Variants in BOC observed in about 807,000 individuals in gnomAD.
The protein encoded by BOC is BOC cell adhesion associated, oncogene regulated.
A neutral mutation model predicts 112.0 loss-of-function variants in BOC; 76 were observed. The observed-to-expected ratio is 0.68, with a 90% CI of 0.56 to 0.82. BOC has a LOEUF of 0.82. Among genes scored for constraint, BOC ranks in the 40% least tolerant of loss-of-function variants. The pLI, the probability that BOC is intolerant of heterozygous loss-of-function variation, is 0.00. For missense variants in BOC, 1,309 were observed against 1,511.7 expected (o/e 0.87, Z 2.22); for synonymous variants, 580 against 599.8 (o/e 0.97, Z 0.48).
chr3:113,254,775 T>C lies in BOC; in HGVS notation c.376+3942T>C, dbSNP rs567895607. 1.2e-4 allele frequency among the ~76,000 whole-genome samples: 18 copies of C among 152,306 alleles called. No homozygotes were observed. The East Asian group carries it at 3.5e-3, about 29-fold the overall frequency. ...GATGCCACCTCCTGCATCCACCCTT[T>C]AGAAGGGTCATGGGGCTATAGGTCA... On this transcript the variant is annotated intron_variant, in intron 4 of 19. Coordinates refer to ENST00000682979, the MANE Select transcript of BOC (RefSeq NM_001378074.1).
chr3:113,223,874 T>G (rs903325143), intron 2 of BOC, among the ~76,000 whole-genome samples: 11 of 152,150 alleles, frequency 7.2e-5, no homozygotes, highest in Non-Finnish European at 1.6e-4. Context: ...GCCCTGCAGG[T>G]CTGCAGTGTG....
In BOC at chr3:113,287,033, G is replaced by A. The variant is rs1368762948; in HGVS notation, c.*171G>A. The A allele has an allele frequency of 2.5e-6, 2 of 806,452 alleles. No homozygotes were observed. Among genetic ancestry groups the A allele is most frequent in the Non-Finnish European group, 2.0e-6 (1 of 498,274 alleles). The allele number at this position is 806,452 out of a possible 1,614,324, so 50.0% of individuals were successfully genotyped here. On this transcript the variant is annotated 3_prime_UTR_variant, in exon 20 of 20. Coordinates refer to ENST00000682979, the MANE Select transcript of BOC (RefSeq NM_001378074.1). ...TTATAATTCTGGAGAGACATAAGGAGTCCTACCCGTTGAGGTTGGAGAGGG... is the reference window on the plus strand; with the variant it reads ...TTATAATTCTGGAGAGACATAAGGAATCCTACCCGTTGAGGTTGGAGAGGG...
chr3:113,282,459 T>A (rs973393679), intron 15 of BOC, among the ~76,000 whole-genome samples: 1 of 152,114 alleles, frequency 6.6e-6, no homozygotes, highest in Non-Finnish European at 1.5e-5. Flanking sequence ...CAGGTGATGT[T>A]GCCACTTATT....
chr3:113,214,375 A>G (rs1938906614), intron 1 of BOC, among the ~76,000 whole-genome samples: 1 of 152,206 alleles, frequency 6.6e-6, no homozygotes, highest in Admixed American at 6.5e-5. Context: ...TGACTTTCAC[A>G]TGGACCCCCC....
At chr3:113,268,756 G>A (rs948061835) in intron 5 of BOC, among the ~76,000 whole-genome samples, 8 of 152,192 alleles carry the variant, frequency 5.3e-5, no homozygotes, top group African/African-American at 1.4e-4. Flanking sequence ...ACAGGCACAC[G>A]CCACCATGCT....
chr3:113,250,701 C>G lies in BOC; in HGVS notation c.244C>G (p.Leu82Val). The G allele has an allele frequency of 6.2e-7, 1 of 1,614,158 alleles. No individual in the cohort carries two copies. Among genetic ancestry groups the G allele is most frequent in the Non-Finnish European group, 8.5e-7 (1 of 1,180,032 alleles). Reference protein sequence around the residue: ...GKELNGSDDALGVLITHGTLV... With the variant: ...GKELNGSDDAVGVLITHGTLV... ...GGAGCTGAATGGCTCGGATGATGCT[C>G]TGGGTGTCCTCATCACCCACGGGAC... The change falls in exon 4 of 20, where the codon CTG becomes GTG. Residue 82 changes from leucine (L) to valine (V), a missense_variant. By Grantham distance (32) the Leu-to-Val change is conservative. Coordinates refer to ENST00000682979, the MANE Select transcript of BOC (RefSeq NM_001378074.1).
chr3:113,267,965 AC>A (rs11330456), intron 4 of BOC, among the ~76,000 whole-genome samples: 86,810 of 150,814 alleles, frequency 0.58, 26,160 homozygotes, highest in African/African-American at 0.75. Flanking sequence ...TTGTACTTTG[AC>A]CCCCCCCCAT....
intron 4 of BOC, 70 bp downstream of exon 4, chr3:113,250,903 C>A: frequency 1.9e-6 from 3 of 1,566,010 alleles, no homozygotes; most frequent in Non-Finnish European, 2.6e-6. Flanking sequence ...GAAGCCCCCA[C>A]CATTCATGCT....
At chr3:113,261,435 T>C (rs1197682064) in intron 4 of BOC, among the ~76,000 whole-genome samples, 4 of 152,264 alleles carry the variant, frequency 2.6e-5, no homozygotes, top group East Asian at 3.9e-4. Context: ...CATTCCTTCA[T>C]CTAGTCCAAA....
At chr3:113,234,344 G>A (rs905173153) in intron 2 of BOC, among the ~76,000 whole-genome samples, 2 of 152,076 alleles carry the variant, frequency 1.3e-5, no homozygotes, top group African/African-American at 2.4e-5. Flanking sequence ...TACTGAGGAC[G>A]GCCTGTGTGT....
At chr3:113,263,762 C>G (rs1947151511) in intron 4 of BOC, among the ~76,000 whole-genome samples, 1 of 152,158 alleles carries the variant, frequency 6.6e-6, no homozygotes, top group Non-Finnish European at 1.5e-5. Context: ...AAGATAGAGA[C>G]TAGAAGGTGG....
chr3:113,232,610 CCTGT>C (rs1211961048), intron 2 of BOC, among the ~76,000 whole-genome samples: 1 of 151,548 alleles, frequency 6.6e-6, no homozygotes, highest in Non-Finnish European at 1.5e-5. Flanking sequence ...CACATGCCTG[CCTGT>C]CTTAGAGGTG....
rs3814399 is a variant in BOC, at chr3:113,272,645, C to A, written c.903C>A (p.Ala301=). 514 of 1,613,862 alleles carry A rather than the reference C, an allele frequency of 3.2e-4. 2 individuals carry two copies. In the African/African-American group the frequency reaches 6.4e-3, roughly 20 times the overall value. Residue 301 remains alanine, a synonymous_variant, in exon 7 of 20, where the codon GCC becomes GCA. Coordinates refer to ENST00000682979, the MANE Select transcript of BOC (RefSeq NM_001378074.1). ...EEDSGTYRCM[A]DNGVGQPGAA... ...ACTCAGGCACCTACCGCTGCATGGC[C>A]GACAATGGGGTTGGGCAGCCCGGGG... is the stretch of plus-strand genomic sequence containing the variant.
rs368572164 is a variant in BOC at position 113,274,531 on chromosome 3, G to C, written c.1391G>C (p.Gly464Ala). 30 of 1,613,498 alleles carry C rather than the reference G, an allele frequency of 1.9e-5. No homozygotes were observed. In the Middle Eastern group the frequency reaches 6.6e-4, roughly 35 times the overall value. Residue 464 changes from glycine (G) to alanine (A), a missense_variant, in exon 9 of 20, where the codon GGA (glycine) becomes GCA (alanine). Gly to Ala is a moderately conservative substitution (Grantham distance 60). Coordinates refer to ENST00000682979, the MANE Select transcript of BOC (RefSeq NM_001378074.1). This position sits in a 1 kb window ranked among gnomAD's most constrained non-coding sequence, Gnocchi z 4.8. ...SVGPASPQCP[G>A]EKGQGAPAEA... is the part of the protein sequence containing the mutation. ...GGGCCTGCTTCCCCGCAGTGTCCAG[G>C]AGAGAAGGGGCAGGGGGCTCCCGCC...
chr3:113,285,210 T>C (rs1315708267), intron 18 of BOC, among the ~76,000 whole-genome samples, 162 bp from the exon 19 acceptor site: 1 of 152,254 alleles, frequency 6.6e-6, no homozygotes, highest in Non-Finnish European at 1.5e-5. Flanking sequence ...GTGGGAATGA[T>C]GGTGTGGTAC....
intron 2 of BOC, among the ~76,000 whole-genome samples, chr3:113,247,916 A>T (rs1945133637): frequency 6.6e-6 from 1 of 152,262 alleles, no homozygotes; most frequent in South Asian, 2.1e-4. Flanking sequence ...CCAGGAAATA[A>T]CTTTTGAAAA....
At chr3:113,252,262 G>C (rs899069483) in intron 4 of BOC, among the ~76,000 whole-genome samples, 4 of 152,172 alleles carry the variant, frequency 2.6e-5, no homozygotes, top group African/African-American at 9.7e-5. Flanking sequence ...ATGGTATGTG[G>C]ATTTAAACTT....
chr3:113,222,002 C>T (rs78644137), intron 2 of BOC, among the ~76,000 whole-genome samples: 6,841 of 152,316 alleles, frequency 0.045, 222 homozygotes, highest in Non-Finnish European at 0.063. Context: ...TCCCCAGATG[C>T]CTGCACAGCA....
chr3:113,260,820 G>A (rs1403811603), intron 4 of BOC, among the ~76,000 whole-genome samples: 1 of 145,742 alleles, frequency 6.9e-6, no homozygotes, highest in Non-Finnish European at 1.5e-5. Context: ...CTGTGCATGC[G>A]AGGGATTTAG....
Sources: allele counts gnomAD v4.1 joint callset (sites outside exome capture counted in the v4.1 genomes callset), GRCh38; gene constraint gnomAD v4.1.1; non-coding constraint Gnocchi (gnomAD v3.1); transcripts MANE v1.5; gene names NCBI Gene and HGNC (gene_info 2026-07-23, HGNC 2026-07-21).